The following NAALADL2 variants were observed in gnomAD, a reference collection of about 807,000 sequenced individuals.
NAALADL2 encodes inactive N-acetylated-alpha-linked acidic dipeptidase-like protein 2.
Under a neutral mutation model 87.2 loss-of-function variants are expected in NAALADL2, and 76 were observed. The observed-to-expected ratio is 0.87, with a 90% CI of 0.72 to 1.05. NAALADL2 has a LOEUF of 1.05. Ranked by LOEUF, NAALADL2 falls within the 50% of genes least tolerant of loss-of-function variation. NAALADL2 has a pLI of 0.00. For missense variants in NAALADL2, 1,089 were observed against 945.8 expected, an observed-to-expected ratio of 1.15 and a Z score of -1.99; for synonymous variants, 354 against 331.0, an observed-to-expected ratio of 1.07 and a Z score of -0.75.
At chr3:174,661,572 G>GTCTTCC (rs1390331772) in intron 2 of NAALADL2, among the ~76,000 whole-genome samples, 1 of 146,876 alleles carries the variant, frequency 6.8e-6, no homozygotes, top group African/African-American at 2.7e-5. Flanking sequence ...TTCTTCGTCT[G>GTCTTCC]TCTTCCTTTT....
rs151001242 is a variant in NAALADL2 at position 175,627,297 on chromosome 3, A to C, written c.1807A>C (p.Ser603Arg). Residue 603 changes from serine (S) to arginine (R), a missense_variant, in exon 11 of 14, where the codon AGT (serine) becomes CGT (arginine). By Grantham distance (110) the Ser-to-Arg change is moderately radical (BLOSUM62 -1). Transcript: ENST00000454872. ...YEDIKTLEGP[S>R]FLSEARFSTR... The stretch of plus-strand genomic sequence containing the variant: ...CTTTTTTGATTTGCCGCAGGGTCCA[A>C]GTTTTCTCTCCGAGGCCCGTTTTTC... 1.3e-6 allele frequency: 2 copies of C among 1,563,098 alleles called. No homozygotes were observed. Among genetic ancestry groups the C allele is most frequent in the African/African-American group, 1.4e-5 (1 of 73,840 alleles).
intron 9 of NAALADL2, among the ~76,000 whole-genome samples, chr3:175,504,848 A>G (rs192058271): frequency 6.6e-6 from 1 of 152,200 alleles, no homozygotes; most frequent in Non-Finnish European, 1.5e-5. Flanking sequence ...TTCAAAAAAT[A>G]CTTGACAGAA....
At chr3:175,659,397 T>C (rs1731947762) in intron 11 of NAALADL2, among the ~76,000 whole-genome samples, 2 of 152,286 alleles carry the variant, frequency 1.3e-5, no homozygotes, top group African/African-American at 2.4e-5. Context: ...TTCTAGTCAT[T>C]TCATCCCAGG....
chr3:175,044,206 T>C (rs914574029), intron 1 of NAALADL2, among the ~76,000 whole-genome samples: 4 of 152,140 alleles, frequency 2.6e-5, no homozygotes, highest in African/African-American at 9.6e-5. Flanking sequence ...AATTTGTATG[T>C]TAATTTTGAA....
intron 1 of NAALADL2, among the ~76,000 whole-genome samples, chr3:175,044,098 T>C (rs1754403934): frequency 6.6e-6 from 1 of 152,188 alleles, no homozygotes; most frequent in Non-Finnish European, 1.5e-5. Context: ...TTAAAATTAT[T>C]CCTAAGTATC....
chr3:174,841,479 C>G (rs749253926), intron 3 of NAALADL2, among the ~76,000 whole-genome samples: 1 of 152,186 alleles, frequency 6.6e-6, no homozygotes, highest in Non-Finnish European at 1.5e-5. Context: ...TCCTACATCA[C>G]AGTTGGCATT....
intron 1 of NAALADL2, among the ~76,000 whole-genome samples, chr3:174,920,964 C>T (rs1362020048): frequency 6.6e-6 from 1 of 152,186 alleles, no homozygotes; most frequent in East Asian, 1.9e-4. Context: ...CAGCATTTGT[C>T]TATTAAGTTT....
intron 8 of NAALADL2, 75 bp from the exon 9 acceptor site, chr3:175,471,564 A>T: frequency 2.5e-6 from 2 of 812,260 alleles, no homozygotes; most frequent in Non-Finnish European, 4.0e-6. Context: ...AATGTTCATT[A>T]TTCAACATCT....
At chr3:174,736,930 G>A (rs1733275232) in intron 2 of NAALADL2, among the ~76,000 whole-genome samples, 1 of 152,216 alleles carries the variant, frequency 6.6e-6, no homozygotes, top group Admixed American at 6.5e-5. Flanking sequence ...CAAGGCAGCA[G>A]GGTGATTGTG....
At chr3:175,389,796 A>G (rs1768856739) in intron 5 of NAALADL2, among the ~76,000 whole-genome samples, 1 of 152,310 alleles carries the variant, frequency 6.6e-6, no homozygotes, top group Middle Eastern at 3.4e-3. Flanking sequence ...TTTGCTTGTC[A>G]GGATCACACT....
intron 1 of NAALADL2, among the ~76,000 whole-genome samples, chr3:175,002,497 C>A (rs565789538): frequency 6.6e-6 from 1 of 152,072 alleles, no homozygotes; most frequent in Non-Finnish European, 1.5e-5. Flanking sequence ...AATCCATCAC[C>A]GTTGCAGTGA....
At chr3:174,575,041 T>C (rs960966481) in intron 2 of NAALADL2, among the ~76,000 whole-genome samples, 1 of 152,092 alleles carries the variant, frequency 6.6e-6, no homozygotes, top group African/African-American at 2.4e-5. Context: ...TAGAATGTAA[T>C]GGCTGTGTCA....
chr3:175,205,793 A>C (rs1211298369), intron 2 of NAALADL2, among the ~76,000 whole-genome samples: 1 of 152,022 alleles, frequency 6.6e-6, no homozygotes, highest in Non-Finnish European at 1.5e-5. Context: ...CAAGGATGTG[A>C]ATAGACAATT....
chr3:175,104,604 A>G (rs1722786655), intron 2 of NAALADL2, among the ~76,000 whole-genome samples: 1 of 152,076 alleles, frequency 6.6e-6, no homozygotes, highest in East Asian at 1.9e-4. Flanking sequence ...TTTCAGTATT[A>G]AAATGAATGA....
chr3:174,835,487 A>C (rs68104959), intron 3 of NAALADL2, among the ~76,000 whole-genome samples: 15,851 of 152,132 alleles, frequency 0.1, 966 homozygotes, highest in Middle Eastern at 0.15. Context: ...CAAGCAATAC[A>C]AGTAAAAATA....
intron 5 of NAALADL2, among the ~76,000 whole-genome samples, chr3:175,414,204 C>T (rs923381762): frequency 2.6e-5 from 4 of 152,180 alleles, no homozygotes; most frequent in African/African-American, 9.7e-5. Flanking sequence ...GCCAATCAGC[C>T]TGCTGACCAG....
chr3:175,440,234 A>G (rs950574762), intron 5 of NAALADL2, among the ~76,000 whole-genome samples: 1 of 152,088 alleles, frequency 6.6e-6, no homozygotes, highest in African/African-American at 2.4e-5. Context: ...ATTCTGTTCC[A>G]TTGATCTATA....
At chr3:175,479,592 A>T (rs1726170005) in intron 9 of NAALADL2, among the ~76,000 whole-genome samples, 1 of 151,798 alleles carries the variant, frequency 6.6e-6, no homozygotes, top group Non-Finnish European at 1.5e-5. Flanking sequence ...TCAAATGTCA[A>T]GATCCACAAT....
intron 1 of NAALADL2, among the ~76,000 whole-genome samples, chr3:175,086,747 A>G (rs1719018779): frequency 6.6e-6 from 1 of 152,116 alleles, no homozygotes; most frequent in African/African-American, 2.4e-5. Context: ...TCTTTAGTAA[A>G]TTGTTTAGTT....
Sources: gnomAD v4.1 joint callset for allele counts (sites outside exome capture counted in the v4.1 genomes callset) on GRCh38, gnomAD v4.1.1 for gene constraint, MANE v1.5 for transcripts, NCBI Gene and HGNC (gene_info 2026-07-23, HGNC 2026-07-21) for gene names.